The following NRG1 variants were observed in gnomAD, a reference collection of about 807,000 sequenced individuals.
The protein encoded by NRG1 is pro-neuregulin-1, membrane-bound isoform.
Under a neutral mutation model 63.8 loss-of-function variants are expected in NRG1, and 18 were observed. That is an observed-to-expected ratio of 0.28 (90% CI 0.19 to 0.42). NRG1 has a LOEUF of 0.42. Among genes scored for constraint, NRG1 ranks in the 10% least tolerant of loss-of-function variants. The pLI is 1.00. For missense variants in NRG1, 762 were observed against 814.7 expected (o/e 0.94, Z 0.79); for synonymous variants, 302 against 301.3 (o/e 1.00, Z -0.02).
chr8:32,311,378 C>G lies in NRG1; in HGVS notation c.38-284450C>G, dbSNP rs1276448778. On this transcript the variant is annotated intron_variant, in intron 1 of 10. Transcript: ENST00000519301. ...TGCTGATTTAGACTGGGTGGTCAGG[C>G]AAAGCTTTGCCAAAGAGATGGCTGA... is the stretch of plus-strand genomic sequence containing the variant. Among the ~76,000 whole-genome samples the G allele has an allele frequency of 2.0e-5, 3 of 152,004 alleles. No individual in the cohort carries two copies. In the South Asian group the frequency reaches 6.2e-4, roughly 32 times the overall value.
intron 1 of NRG1, among the ~76,000 whole-genome samples, chr8:32,359,331 C>T (rs1352167496): frequency 6.6e-6 from 1 of 152,084 alleles, no homozygotes; most frequent in Non-Finnish European, 1.5e-5. Context: ...CTTAGTTTGT[C>T]CACCTCTTGA....
At chr8:31,826,440 C>T (rs921752280) in intron 1 of NRG1, among the ~76,000 whole-genome samples, 2 of 152,212 alleles carry the variant, frequency 1.3e-5, no homozygotes, top group Non-Finnish European at 2.9e-5. Flanking sequence ...CATGCTCCCT[C>T]TTTCCTGTCG....
chr8:32,355,669 G>GAA (rs34832764), intron 1 of NRG1, among the ~76,000 whole-genome samples: 47 of 148,880 alleles, frequency 3.2e-4, no homozygotes, highest in Non-Finnish European at 4.0e-4. Context: ...AAAGAAGGGG[G>GAA]AAAAAAAAAA....
chr8:32,397,632 TCTGA>T (rs978029707), intron 1 of NRG1, among the ~76,000 whole-genome samples: 7 of 152,110 alleles, frequency 4.6e-5, no homozygotes, highest in Non-Finnish European at 2.9e-5. Context: ...ACTTGGAGTT[TCTGA>T]CTATTTGTCC....
chr8:32,225,580 G>C (rs1040720974), intron 1 of NRG1, among the ~76,000 whole-genome samples: 1 of 152,134 alleles, frequency 6.6e-6, no homozygotes, highest in African/African-American at 2.4e-5. Context: ...GCATTTGGGG[G>C]TGCCAGGCCC....
intron 1 of NRG1, among the ~76,000 whole-genome samples, chr8:32,460,072 A>C (rs1172992222): frequency 2.0e-5 from 3 of 152,236 alleles, no homozygotes; most frequent in African/African-American, 7.2e-5. Context: ...CCTGAAATAG[A>C]AAGCAAGCTC....
intron 1 of NRG1, among the ~76,000 whole-genome samples, chr8:32,194,620 G>GCC (rs1842796389): frequency 6.6e-6 from 1 of 152,054 alleles, no homozygotes; most frequent in African/African-American, 2.4e-5. Flanking sequence ...ATTCCCCAGG[G>GCC]CCATGGCATT....
intron 1 of NRG1, among the ~76,000 whole-genome samples, chr8:32,161,150 C>T (rs1285534300): frequency 6.6e-6 from 1 of 152,104 alleles, no homozygotes; most frequent in Non-Finnish European, 1.5e-5. Flanking sequence ...CCCCTCATTC[C>T]CTCATTAAGC....
At chr8:32,306,580 T>C (rs547598363) in intron 1 of NRG1, among the ~76,000 whole-genome samples, 1 of 152,322 alleles carries the variant, frequency 6.6e-6, no homozygotes, top group East Asian at 1.9e-4. Context: ...TATTAAAGAA[T>C]TATGACTGCA....
intron 1 of NRG1, among the ~76,000 whole-genome samples, chr8:32,325,565 G>A (rs1801896580): frequency 6.6e-6 from 1 of 152,052 alleles, no homozygotes; most frequent in Non-Finnish European, 1.5e-5. Flanking sequence ...ATTTTGTAGA[G>A]ATAGGGTTTC....
chr8:32,257,116 A>G (rs183207958), intron 1 of NRG1, among the ~76,000 whole-genome samples: 213 of 152,248 alleles, frequency 1.4e-3, no homozygotes, highest in African/African-American at 5.0e-3. Flanking sequence ...AGCCTCAGTA[A>G]TGGTGGACAC....
At position 31,940,688 on chromosome 8, in the gene NRG1, T is replaced by C. The variant is rs575346726; in HGVS notation, c.37+301257T>C. ...AAGAAAAGAAGAGAGAACATCCAAA[T>C]AATCGTAATTAGAAATGAAATGGGA... On this transcript the variant is annotated intron_variant, in intron 1 of 10. Transcript: ENST00000519301. Among the ~76,000 whole-genome samples the C allele has an allele frequency of 3.9e-5, 6 of 152,180 alleles. No individual in the cohort carries two copies. In the East Asian group the frequency reaches 1.2e-3, roughly 29 times the overall value.
At chr8:31,863,941 T>C (rs78859536) in intron 1 of NRG1, among the ~76,000 whole-genome samples, 1,812 of 152,308 alleles carry the variant, frequency 0.012, 41 homozygotes, top group African/African-American at 0.042. Context: ...ATATCTTGAG[T>C]GCAAGATCTT....
chr8:32,730,850 A>G (rs2129018836), intron 6 of NRG1, among the ~76,000 whole-genome samples: 1 of 152,310 alleles, frequency 6.6e-6, no homozygotes, highest in East Asian at 1.9e-4. Context: ...TTAAGCATAC[A>G]GTGTAATTGT....
At chr8:32,111,485 A>G (rs997085868) in intron 1 of NRG1, among the ~76,000 whole-genome samples, 1 of 152,268 alleles carries the variant, frequency 6.6e-6, no homozygotes, top group East Asian at 1.9e-4. Context: ...CTGTGTTGTC[A>G]GTATTCAAGT....
At chr8:32,366,957 C>G (rs2129482442) in intron 1 of NRG1, among the ~76,000 whole-genome samples, 1 of 152,050 alleles carries the variant, frequency 6.6e-6, no homozygotes, top group South Asian at 2.1e-4. Flanking sequence ...GGTGATCTGC[C>G]TGCCTTGGCC....
At chr8:32,413,368 T>C (rs1051098376) in intron 1 of NRG1, among the ~76,000 whole-genome samples, 1 of 152,148 alleles carries the variant, frequency 6.6e-6, no homozygotes, top group Non-Finnish European at 1.5e-5. Context: ...GTTACAAGCC[T>C]GAGGAGAGAT....
At chr8:32,619,847 T>G (rs1457629060) in intron 5 of NRG1, among the ~76,000 whole-genome samples, 1 of 152,212 alleles carries the variant, frequency 6.6e-6, no homozygotes, top group Non-Finnish European at 1.5e-5. Context: ...AATTTTAGAT[T>G]CAGCGGGTAC....
chr8:32,721,681 A>C, intron 5 of NRG1: 1 of 323,488 alleles, frequency 3.1e-6, no homozygotes, highest in East Asian at 6.4e-5. Flanking sequence ...GCTATTCAGC[A>C]AAGGATTGAA....
Sources: gnomAD v4.1 joint callset for allele counts (sites outside exome capture counted in the v4.1 genomes callset) on GRCh38, gnomAD v4.1.1 for gene constraint, MANE v1.5 for transcripts, NCBI Gene and HGNC (gene_info 2026-07-23, HGNC 2026-07-21) for gene names.